APPL2: variants seen among roughly 807,000 people sequenced by gnomAD.
APPL2 encodes the protein DCC-interacting protein 13-beta.
Under a neutral mutation model 92.7 loss-of-function variants are expected in APPL2, and 84 were observed. The observed-to-expected ratio is 0.91, with a 90% confidence interval of 0.76 to 1.09. The LOEUF (loss-of-function observed/expected upper bound fraction) is 1.09, where lower values mean the gene tolerates loss of function less well. Ranked by LOEUF, APPL2 falls within the 50% of genes least tolerant of loss-of-function variation. The probability of loss-of-function intolerance (pLI) is 0.00; values close to 1 mark genes in which losing one functional copy is unlikely to be tolerated. For synonymous variants in APPL2, 291 were observed against 291.0 expected, an observed-to-expected ratio of 1.00 and a Z score of 0.00; for missense variants, 736 against 824.5, an observed-to-expected ratio of 0.89 and a Z score of 1.31.
chr12:105,203,765 T>TCCC lies in APPL2; in HGVS notation c.639_641dup (p.Gly214dup). ...CCATACGTTTGGAAAACATCTCTGC[T>TCCC]CCCTTCTTAAAAAAGTTAATCTGAA... On this transcript the variant is annotated inframe_insertion, in exon 9 of 21. Transcript: ENST00000258530. The TCCC allele has an allele frequency of 6.2e-7, 1 of 1,613,896 alleles. No homozygotes were observed. The highest frequency in any genetic ancestry group is 1.1e-5 in the South Asian group (1 of 91,084).
intron 11 of APPL2, among the ~76,000 whole-genome samples, 161 bp from the exon 12 acceptor site, chr12:105,195,788 C>T (rs1014695710): frequency 3.3e-5 from 5 of 152,174 alleles, no homozygotes; most frequent in Admixed American, 3.3e-4. Context: ...GGTGCAGTGG[C>T]TCATGCCTGC....
intron 9 of APPL2, chr12:105,203,406 CAAAG>C (rs1888397428): frequency 8.4e-6 from 3 of 358,744 alleles, no homozygotes. Flanking sequence ...CACGTACTCT[CAAAG>C]AAAGTCAAGA....
chr12:105,229,619 T>C, intron 1 of APPL2: 1 of 997,914 alleles, frequency 1.0e-6, no homozygotes, highest in Non-Finnish European at 1.2e-6. Flanking sequence ...GTCAGGCCTA[T>C]CTGTGTACCT....
intron 8 of APPL2, 24 bp from the exon 9 acceptor site, chr12:105,203,809 C>G: frequency 6.3e-7 from 1 of 1,592,420 alleles, no homozygotes; most frequent in Non-Finnish European, 8.6e-7. Context: ...TTATAATATT[C>G]TGAAAATCAT....
chr12:105,206,916 C>A, intron 8 of APPL2, 145 bp downstream of exon 8: 1 of 1,051,280 alleles, frequency 9.5e-7, no homozygotes, highest in Non-Finnish European at 1.3e-6. Flanking sequence ...TGGAAGCTGT[C>A]CAAGTGCTGA....
intron 8 of APPL2, among the ~76,000 whole-genome samples, chr12:105,205,673 T>C (rs1888639291): frequency 6.6e-6 from 1 of 152,228 alleles, no homozygotes; most frequent in Non-Finnish European, 1.5e-5. Flanking sequence ...CCTAGGCCTC[T>C]GACTGAGCAA....
chr12:105,224,763 C>T (rs771234264), intron 2 of APPL2, among the ~76,000 whole-genome samples: 2 of 152,204 alleles, frequency 1.3e-5, no homozygotes, highest in Admixed American at 1.3e-4. Flanking sequence ...AGGTGCTTCT[C>T]CCTCCCCCAT....
intron 14 of APPL2, among the ~76,000 whole-genome samples, chr12:105,192,619 C>T (rs1887309159): frequency 6.6e-6 from 1 of 152,218 alleles, no homozygotes; most frequent in African/African-American, 2.4e-5. Flanking sequence ...GTGGCTGCGT[C>T]TTGTCTTTCA....
In APPL2 at chr12:105,197,797, G is replaced by A; in HGVS notation, c.1020C>T (p.Tyr340=). ...CATTGGGCGTGGTGATCTGGAAGCA[G>A]TAGCGCCGGTCTTCGCAATCCACGG... The part of the protein sequence containing the change: ...VMAVDCEDRR[Y]CFQITTPNGK... The change falls in exon 11 of 21, where the codon TAC becomes TAT. Residue 340 remains tyrosine (Y), a synonymous_variant. Coordinates refer to ENST00000258530, the MANE Select transcript of APPL2 (RefSeq NM_018171.5). The A allele has an allele frequency of 3.7e-6, 6 of 1,614,222 alleles. No individual in the cohort carries two copies. The highest frequency in any genetic ancestry group is 5.1e-6 in the Non-Finnish European group (6 of 1,180,048).
chr12:105,194,856 G>A (rs966586059), intron 14 of APPL2, among the ~76,000 whole-genome samples: 15 of 151,540 alleles, frequency 9.9e-5, no homozygotes, highest in South Asian at 2.1e-4. Flanking sequence ...CAGATAAGGC[G>A]TGGACATTAA....
chr12:105,189,075 A>G (rs1002377990), intron 16 of APPL2, among the ~76,000 whole-genome samples: 2 of 152,026 alleles, frequency 1.3e-5, no homozygotes, highest in South Asian at 2.1e-4. Flanking sequence ...CTGGAGTGCA[A>G]TGGCATGATT....
At chr12:105,211,355 CATT>C in intron 4 of APPL2, 38 bp from the exon 5 acceptor site, 1 of 1,398,700 alleles carries the variant, frequency 7.1e-7, no homozygotes, top group Non-Finnish European at 1.0e-6. Flanking sequence ...AAATTAAATA[CATT>C]ATTATTATTG....
intron 14 of APPL2, among the ~76,000 whole-genome samples, chr12:105,190,887 TCTC>T (rs1566061546): frequency 6.6e-6 from 1 of 152,230 alleles, no homozygotes; most frequent in Non-Finnish European, 1.5e-5. Flanking sequence ...AACATGTTCT[TCTC>T]CTCCAGTCTC....
chr12:105,185,306 A>G (rs1461372982), intron 17 of APPL2, among the ~76,000 whole-genome samples: 1 of 152,134 alleles, frequency 6.6e-6, no homozygotes, highest in Non-Finnish European at 1.5e-5. Flanking sequence ...CTGGGGTGCG[A>G]AAAAAATTCT....
chr12:105,190,129 T>C lies in APPL2; in HGVS notation c.1268A>G (p.Glu423Gly). ...PSQNLKNSEM[E>G]NENDKIVPKA... is the part of the protein sequence containing the mutation. ...GGGAACAATCTTGTCATTTTCATTT[T>C]CCATCTCTGAATTTTTCAGGTTCTG... The change falls in exon 15 of 21, where the codon GAA (glutamate) becomes GGA (glycine). Residue 423 changes from glutamate (E) to glycine (G), a missense_variant. Physicochemically the swap from Glu to Gly is moderately conservative, Grantham distance 98 (BLOSUM62 -2). Coordinates refer to ENST00000258530, the MANE Select transcript of APPL2 (RefSeq NM_018171.5). 1 of 1,614,102 alleles carries C rather than the reference T, an allele frequency of 6.2e-7. No individual in the cohort carries two copies. The highest frequency in any genetic ancestry group is 8.5e-7 in the Non-Finnish European group (1 of 1,180,002).
intron 9 of APPL2, among the ~76,000 whole-genome samples, chr12:105,201,986 G>A (rs1262399340): frequency 1.3e-5 from 2 of 152,160 alleles, no homozygotes; most frequent in Non-Finnish European, 2.9e-5. Context: ...AGGCCTCCCT[G>A]GGTGGGCTGG....
intron 1 of APPL2, chr12:105,233,351 CAT>C (rs550875038): frequency 1.3e-4 from 129 of 985,468 alleles, no homozygotes; most frequent in African/African-American, 1.1e-3. Flanking sequence ...CAGCTTCCCA[CAT>C]ATGAGAGGTA....
At chr12:105,180,502 ACT>A (rs1304647916) in intron 17 of APPL2, among the ~76,000 whole-genome samples, 4 of 152,158 alleles carry the variant, frequency 2.6e-5, no homozygotes, top group Admixed American at 6.5e-5. Context: ...GTTTTTTCTA[ACT>A]CTGTTAAGAA....
intron 2 of APPL2, among the ~76,000 whole-genome samples, chr12:105,227,752 G>A (rs1890629017): frequency 6.6e-6 from 1 of 152,148 alleles, no homozygotes; most frequent in Non-Finnish European, 1.5e-5. Context: ...TTAAATGGGT[G>A]CACCTGGACA....
Sources: allele counts gnomAD v4.1 joint callset (sites outside exome capture counted in the v4.1 genomes callset), GRCh38; gene constraint gnomAD v4.1.1; transcripts MANE v1.5; gene names NCBI Gene and HGNC (gene_info 2026-07-23, HGNC 2026-07-21).